The following TPST1 variants were observed in gnomAD, a reference collection of about 807,000 sequenced individuals.
TPST1 encodes the protein protein-tyrosine sulfotransferase 1.
In TPST1, 20 loss-of-function variants were observed where a neutral mutation model predicts 34.8. That is an observed-to-expected ratio of 0.57 (90% CI 0.40 to 0.84). The LOEUF (loss-of-function observed/expected upper bound fraction) is 0.84. Among genes scored for constraint, TPST1 ranks in the 40% least tolerant of loss-of-function variants. TPST1 has a pLI of 0.00. For synonymous variants in TPST1, 152 were observed against 159.4 expected (o/e 0.95, Z 0.35); for missense variants, 353 against 455.5 (o/e 0.78, Z 2.05).
At chr7:66,296,597 T>C (rs983910940) in intron 3 of TPST1, among the ~76,000 whole-genome samples, 3 of 150,984 alleles carry the variant, frequency 2.0e-5, no homozygotes, top group Non-Finnish European at 4.4e-5. Context: ...TCCTTAGTTA[T>C]GGGGTGAGAG....
At chr7:66,206,738 A>G (rs899829562) in intron 1 of TPST1, among the ~76,000 whole-genome samples, 1 of 152,148 alleles carries the variant, frequency 6.6e-6, no homozygotes, top group Non-Finnish European at 1.5e-5. Flanking sequence ...GTGGCATAGT[A>G]TATAAGCAAT....
chr7:66,344,201 G>C (rs1309625088), intron 3 of TPST1: 1 of 152,194 alleles, frequency 6.6e-6, no homozygotes, highest in Non-Finnish European at 1.5e-5. Flanking sequence ...TTGAGGGCCA[G>C]CCTAGGCAAC....
In TPST1 at chr7:66,352,515, G is replaced by C. The variant is rs752998104; in HGVS notation, c.1055G>C (p.Gly352Ala). The change falls in exon 4 of 6, where the codon GGA becomes GCA. Residue 352 changes from glycine to alanine, a missense_variant. Coordinates refer to ENST00000304842, the MANE Select transcript of TPST1 (RefSeq NM_003596.4). The stretch of plus-strand genomic sequence containing the variant: ...GCTTTGTTTTTCCAGGTCTATAAGG[G>C]AGAATTCCAACTACCTGACTTTCTT... Reference protein sequence around the residue: ...IIENTRRVYKGEFQLPDFLKE... With the variant: ...IIENTRRVYKAEFQLPDFLKE... 6.2e-7 allele frequency: 1 copy of C among 1,612,880 alleles called. No individual in the cohort carries two copies. Among genetic ancestry groups the C allele is most frequent in the Non-Finnish European group, 8.5e-7 (1 of 1,179,730 alleles).
intron 3 of TPST1, among the ~76,000 whole-genome samples, chr7:66,331,509 A>G (rs1432938580): frequency 6.6e-6 from 1 of 152,250 alleles, no homozygotes; most frequent in Non-Finnish European, 1.5e-5. Context: ...TGAAGGGACC[A>G]AATCTTAATA....
Position 66,332,679 on chromosome 7 carries a change from A to G in TPST1, c.1045-19826A>G, listed in dbSNP as rs1452683468. 6.6e-6 allele frequency among the ~76,000 whole-genome samples: 1 copy of G among 152,202 alleles called. No individual in the cohort carries two copies. ...TGGACTGAAAATATGTGGGGGGGAA[A>G]TGATGCTTACATCTGTACTGAACGT... On this transcript the variant is annotated intron_variant, in intron 3 of 5. Coordinates refer to ENST00000304842, the MANE Select transcript of TPST1 (RefSeq NM_003596.4). The surrounding 1 kb of genome is among the most constrained non-coding windows in gnomAD (Gnocchi z 4.5).
intron 3 of TPST1, among the ~76,000 whole-genome samples, chr7:66,339,549 A>G (rs1358102593): frequency 6.6e-6 from 1 of 152,152 alleles, no homozygotes; most frequent in Non-Finnish European, 1.5e-5. Context: ...GACAGGATGC[A>G]ACAAGAAAAT....
chr7:66,322,360 G>A (rs906395279), intron 3 of TPST1, among the ~76,000 whole-genome samples: 21 of 152,108 alleles, frequency 1.4e-4, no homozygotes, highest in African/African-American at 3.6e-4. Flanking sequence ...CTTGAAAAAC[G>A]GAAAACTTTA....
intron 3 of TPST1, among the ~76,000 whole-genome samples, chr7:66,307,309 G>A (rs942430311): frequency 5.3e-5 from 8 of 151,658 alleles, no homozygotes; most frequent in African/African-American, 1.9e-4. Flanking sequence ...TAGTAGAGAC[G>A]GGGTTTCACC....
chr7:66,304,372 C>G (rs1791380563), intron 3 of TPST1, among the ~76,000 whole-genome samples: 1 of 152,094 alleles, frequency 6.6e-6, no homozygotes, highest in South Asian at 2.1e-4. Flanking sequence ...TAGGAGAGGC[C>G]AGTGGAGCGA....
intron 2 of TPST1, among the ~76,000 whole-genome samples, chr7:66,266,335 C>T (rs1017059442): frequency 6.7e-6 from 1 of 150,110 alleles, no homozygotes; most frequent in African/African-American, 2.4e-5. Flanking sequence ...CAGTTTAAAA[C>T]CACAGTGAGA....
At chr7:66,254,782 C>T (rs915033596) in intron 2 of TPST1, among the ~76,000 whole-genome samples, 13 of 152,164 alleles carry the variant, frequency 8.5e-5, no homozygotes, top group Admixed American at 2.0e-4. Flanking sequence ...ATCTATATCC[C>T]GCAGCTTTCC....
At chr7:66,293,906 A>T (rs973353985) in intron 3 of TPST1, among the ~76,000 whole-genome samples, 1 of 152,210 alleles carries the variant, frequency 6.6e-6, no homozygotes, top group African/African-American at 2.4e-5. Context: ...AGTTATGCTC[A>T]CGTCTTTACA....
At chr7:66,269,129 T>C (rs1293950069) in intron 2 of TPST1, among the ~76,000 whole-genome samples, 2 of 152,168 alleles carry the variant, frequency 1.3e-5, no homozygotes, top group African/African-American at 2.4e-5. Context: ...TAAACGGTGA[T>C]TAAGAGATAT....
At chr7:66,275,796 A>C (rs1218943721) in intron 2 of TPST1, among the ~76,000 whole-genome samples, 3 of 152,144 alleles carry the variant, frequency 2.0e-5, no homozygotes, top group Non-Finnish European at 4.4e-5. Context: ...AGTTCAAGAG[A>C]TGTATACTGT....
At chr7:66,282,915 C>G (rs1790960761) in intron 2 of TPST1, among the ~76,000 whole-genome samples, 1 of 152,200 alleles carries the variant, frequency 6.6e-6, no homozygotes, top group Non-Finnish European at 1.5e-5. Context: ...TTTCTCCCTT[C>G]CATCCTCCCA....
At chr7:66,302,382 T>G (rs899716148) in intron 3 of TPST1, among the ~76,000 whole-genome samples, 1 of 152,216 alleles carries the variant, frequency 6.6e-6, no homozygotes, top group African/African-American at 2.4e-5. Flanking sequence ...ATTGCAACTA[T>G]AGCAGGGCCC....
intron 3 of TPST1, among the ~76,000 whole-genome samples, chr7:66,351,347 T>C (rs1202460925): frequency 6.6e-6 from 1 of 152,180 alleles, no homozygotes; most frequent in African/African-American, 2.4e-5. Flanking sequence ...TCTTTCTCAT[T>C]GCACTGTTCT....
intron 1 of TPST1, among the ~76,000 whole-genome samples, chr7:66,209,143 G>T (rs1789193208): frequency 1.3e-5 from 2 of 151,994 alleles, no homozygotes; most frequent in Admixed American, 1.3e-4. Flanking sequence ...CGTGGTGGTG[G>T]GCGCCTGTAA....
chr7:66,341,332 G>T (rs1217967198), intron 3 of TPST1, among the ~76,000 whole-genome samples: 1 of 152,156 alleles, frequency 6.6e-6, no homozygotes, highest in Non-Finnish European at 1.5e-5. Flanking sequence ...AGGCTGGAGT[G>T]CAGTGGCATG....
Sources: gnomAD v4.1 joint callset for allele counts (sites outside exome capture counted in the v4.1 genomes callset) on GRCh38, gnomAD v4.1.1 for gene constraint, Gnocchi (gnomAD v3.1) non-coding constraint, MANE v1.5 for transcripts, NCBI Gene and HGNC (gene_info 2026-07-23, HGNC 2026-07-21) for gene names.